Variants in PRPF19 observed in about 807,000 individuals in gnomAD.
PRPF19 encodes the protein pre-mRNA processing factor 19.
PRPF19 carries 2 observed loss-of-function variants against 64.2 expected under a neutral mutation model. The ratio of observed to expected loss-of-function variants is 0.03; its 90% CI spans 0.01 to 0.10. The LOEUF (loss-of-function observed/expected upper bound fraction) is 0.10. PRPF19 is among the 10% of genes least tolerant of loss of function. The pLI, the probability that PRPF19 is intolerant of heterozygous loss-of-function variation, is 1.00. For synonymous variants in PRPF19, 226 were observed against 251.6 expected, an observed-to-expected ratio of 0.90 and a Z score of 0.96; for missense variants, 314 against 650.0, an observed-to-expected ratio of 0.48 and a Z score of 5.62.
In PRPF19 at chr11:60,898,704, G is replaced by A; in HGVS notation, c.1055-78C>T. ...TAAGAGCAGCAAAGGTAGGTTCCTT[G>A]TTCTTCACATTCCTCAGTGAACCCA... is the stretch of plus-strand genomic sequence containing the variant. On this transcript the variant is annotated intron_variant, in intron 12 of 15. Transcript: ENST00000227524. The surrounding 1 kb of genome is among the most constrained non-coding windows in gnomAD (Gnocchi z 4.6). 5 of 1,604,314 alleles carry A rather than the reference G, an allele frequency of 3.1e-6. No homozygotes were observed. The South Asian group carries it at 5.6e-5, about 18-fold the overall frequency.
intron 1 of PRPF19, among the ~76,000 whole-genome samples, chr11:60,904,516 C>T (rs1441898180): frequency 6.6e-6 from 1 of 152,192 alleles, no homozygotes; most frequent in Non-Finnish European, 1.5e-5. Context: ...GGTTGTTTGA[C>T]CTGTTCTTCT....
rs1855992761 is a variant in PRPF19 at position 60,902,388 on chromosome 11, G to A, written c.525+15C>T. ...GGGCCCATCAGCACTCCCACCAGGT[G>A]AGAGCAGGACTTACCTTCTGAATAA... On this transcript the variant is annotated intron_variant, in intron 6 of 15. Coordinates refer to ENST00000227524, the MANE Select transcript of PRPF19 (RefSeq NM_014502.5). The surrounding 1 kb of genome is among the most constrained non-coding windows in gnomAD (Gnocchi z 5.0). The A allele has an allele frequency of 3.1e-6, 5 of 1,611,962 alleles. No homozygotes were observed. The highest frequency in any genetic ancestry group is 1.7e-5 in the Admixed American group (1 of 60,030).
chr11:60,893,732 A>C (rs1315018502), intron 15 of PRPF19, among the ~76,000 whole-genome samples: 2 of 152,090 alleles, frequency 1.3e-5, no homozygotes, highest in Non-Finnish European at 2.9e-5. Flanking sequence ...AGGCAGGTGG[A>C]TCGCTTGAGT....
Position 60,902,066 on chromosome 11 carries a change from T to A in PRPF19, c.525+337A>T, listed in dbSNP as rs186776099. ...GAAAATATATAAAAGTAGTTTACTA[T>A]CTGCAAAGAATCTCAATAACAATAA... On this transcript the variant is annotated intron_variant, in intron 6 of 15. Transcript: ENST00000227524. This position sits in a 1 kb window ranked among gnomAD's most constrained non-coding sequence, Gnocchi z 5.0. Among the ~76,000 whole-genome samples, 1 of 152,332 alleles carries A rather than the reference T, an allele frequency of 6.6e-6. No homozygotes were observed. The highest frequency in any genetic ancestry group is 2.4e-5 in the African/African-American group (1 of 41,580).
At position 60,899,317 on chromosome 11, in the gene PRPF19, C is replaced by G. The variant is rs974237043; in HGVS notation, c.829-13G>C. The G allele has an allele frequency of 3.1e-6, 5 of 1,605,184 alleles. No individual in the cohort carries two copies. Among genetic ancestry groups the G allele is most frequent in the Admixed American group, 1.7e-5 (1 of 59,918 alleles). ...AAAACACCAGGTCCTACAAGGAAAA[C>G]AAAGACAGAATATCAGAGTCAGAAA... On this transcript the variant is annotated splice_polypyrimidine_tract_variant and intron_variant, in intron 10 of 15. Coordinates refer to ENST00000227524, the MANE Select transcript of PRPF19 (RefSeq NM_014502.5).
rs747102943 is a variant in PRPF19 at position 60,898,323 on chromosome 11, G to A, written c.1141-52C>T. On this transcript the variant is annotated intron_variant, in intron 13 of 15. Coordinates refer to ENST00000227524, the MANE Select transcript of PRPF19 (RefSeq NM_014502.5). The surrounding 1 kb of genome is among the most constrained non-coding windows in gnomAD (Gnocchi z 4.6). ...CGTCACCCACAGATCATGAGAGGAA[G>A]AAAATGGGGCTCACCAAACTCCTAC... 2 of 1,589,274 alleles carry A rather than the reference G, an allele frequency of 1.3e-6. No homozygotes were observed. The highest frequency in any genetic ancestry group is 1.1e-5 in the South Asian group (1 of 88,096).
rs977340531 is a variant in PRPF19, at chr11:60,899,133, C to T, written c.984+16G>A. On this transcript the variant is annotated intron_variant, in intron 11 of 15. Transcript: ENST00000227524. ...GGGACCAGCAGGCCTCTCCAGGGCACTGGCTGGGACCGCACCTGATCATCG... is the reference window on the plus strand; with the variant it reads ...GGGACCAGCAGGCCTCTCCAGGGCATTGGCTGGGACCGCACCTGATCATCG... 1.9e-6 allele frequency: 3 copies of T among 1,606,974 alleles called. No individual in the cohort carries two copies. In the African/African-American group the frequency reaches 4.0e-5, roughly 21 times the overall value.
chr11:60,903,590 TCA>T, intron 2 of PRPF19, 55 bp from the exon 3 acceptor site: 1 of 1,599,102 alleles, frequency 6.3e-7, no homozygotes, highest in Non-Finnish European at 8.5e-7. Context: ...TCCCCCGCCA[TCA>T]CATCTTTTCC....
At position 60,902,029 on chromosome 11, in the gene PRPF19, G is replaced by GA. The variant is rs946490890; in HGVS notation, c.525+373dup. ...TAATTCCTATCCTATTGCCCTCATA[G>GA]AAAAAAAACAAGAAAATATATAAAA... On this transcript the variant is annotated intron_variant, in intron 6 of 15. Transcript: ENST00000227524. This position sits in a 1 kb window ranked among gnomAD's most constrained non-coding sequence, Gnocchi z 5.0. Among the ~76,000 whole-genome samples the GA allele has an allele frequency of 8.6e-5, 13 of 151,380 alleles. No individual in the cohort carries two copies. The highest frequency in any genetic ancestry group is 1.3e-4 in the Admixed American group (2 of 15,220).
Position 60,898,502 on chromosome 11 carries a change from C to T in PRPF19, c.1140+39G>A. On this transcript the variant is annotated intron_variant, in intron 13 of 15. Coordinates refer to ENST00000227524, the MANE Select transcript of PRPF19 (RefSeq NM_014502.5). The surrounding 1 kb of genome is among the most constrained non-coding windows in gnomAD (Gnocchi z 4.6). ...CACTGCATTGTCACAAACACTCCCT[C>T]TGGCCCTGGGCCTCAGATGGAGGCC... 1 of 1,613,732 alleles carries T rather than the reference C, an allele frequency of 6.2e-7. No individual in the cohort carries two copies. The highest frequency in any genetic ancestry group is 8.5e-7 in the Non-Finnish European group (1 of 1,179,936).
In PRPF19 at chr11:60,902,572, G is replaced by A. The variant is rs542733768; in HGVS notation, c.462+11C>T. 1.2e-6 allele frequency: 2 copies of A among 1,611,884 alleles called. No individual in the cohort carries two copies. Among genetic ancestry groups the A allele is most frequent in the Non-Finnish European group, 1.7e-6 (2 of 1,177,918 alleles). On this transcript the variant is annotated intron_variant, in intron 5 of 15. Transcript: ENST00000227524. The surrounding 1 kb of genome is among the most constrained non-coding windows in gnomAD (Gnocchi z 5.0). ...CAAATGGGCTGCTGGTAAGGGAAGG[G>A]GGACACTTACCACAACACTTGGTTG...
At position 60,902,158 on chromosome 11, in the gene PRPF19, T is replaced by C. The variant is rs1184203061; in HGVS notation, c.525+245A>G. Among the ~76,000 whole-genome samples, 2 of 152,198 alleles carry C rather than the reference T, an allele frequency of 1.3e-5. No homozygotes were observed. The highest frequency in any genetic ancestry group is 2.9e-5 in the Non-Finnish European group (2 of 68,028). ...TCCCACAGCCTGCCTATACAGTGGA[T>C]ATGATCATATTCTCAGTTTAGAAGC... On this transcript the variant is annotated intron_variant, in intron 6 of 15. Transcript: ENST00000227524. This position sits in a 1 kb window ranked among gnomAD's most constrained non-coding sequence, Gnocchi z 5.0.
At position 60,897,970 on chromosome 11, in the gene PRPF19, G is replaced by C. The variant is rs770402229; in HGVS notation, c.1312-19C>G. On this transcript the variant is annotated intron_variant, in intron 14 of 15. Coordinates refer to ENST00000227524, the MANE Select transcript of PRPF19 (RefSeq NM_014502.5). ...ACTTTACCTGCCAGAAATAGAAAGA[G>C]AGAAGGTCACACAAGGGGAACAGAA... The C allele has an allele frequency of 1.9e-6, 3 of 1,612,828 alleles. No homozygotes were observed. Among genetic ancestry groups the C allele is most frequent in the Non-Finnish European group, 2.5e-6 (3 of 1,178,950 alleles).
At position 60,898,212 on chromosome 11, in the gene PRPF19, G is replaced by A; in HGVS notation, c.1200C>T (p.Phe400=). 1 of 1,614,194 alleles carries A rather than the reference G, an allele frequency of 6.2e-7. No individual in the cohort carries two copies. The highest frequency in any genetic ancestry group is 2.2e-5 in the East Asian group (1 of 44,882). ...GHSGPITSIA[F]SENGYYLATA... ...TAGCCAGGTAGTAACCATTCTCAGA[G>A]AAGGCGATGCTAGTGATGGGGCCCG... Residue 400 remains phenylalanine (F), a synonymous_variant, in exon 14 of 16, where the codon TTC becomes TTT. Coordinates refer to ENST00000227524, the MANE Select transcript of PRPF19 (RefSeq NM_014502.5). This position sits in a 1 kb window ranked among gnomAD's most constrained non-coding sequence, Gnocchi z 4.6.
At position 60,906,243 on chromosome 11, in the gene PRPF19, CG is replaced by C. The variant is rs1856044530; in HGVS notation, c.19+120del. On this transcript the variant is annotated intron_variant, in intron 1 of 15. Transcript: ENST00000227524. ...GCTCCGGTGCTGACAGGCCGCCGCT[CG>C]GCCTCCGGAGCGCCCCATTCCCGCC... 1.9e-5 allele frequency: 26 copies of C among 1,402,004 alleles called. 2 individuals are homozygous for C. The African/African-American group carries it at 2.9e-4, about 16-fold the overall frequency. 86.8% of individuals were successfully genotyped at this position (1,402,004 alleles called of 1,614,324 possible).
chr11:60,899,438 C>G (rs1855957889), intron 10 of PRPF19, 134 bp from the exon 11 acceptor site: 1 of 933,400 alleles, frequency 1.1e-6, no homozygotes, highest in African/African-American at 1.7e-5. Flanking sequence ...TCCCTGGAAC[C>G]ACCTATCCAC....
Position 60,898,947 on chromosome 11 carries a change from G to C in PRPF19, c.985-16C>G, listed in dbSNP as rs1455834384. On this transcript the variant is annotated splice_polypyrimidine_tract_variant and intron_variant, in intron 11 of 15. Coordinates refer to ENST00000227524, the MANE Select transcript of PRPF19 (RefSeq NM_014502.5). The surrounding 1 kb of genome is among the most constrained non-coding windows in gnomAD (Gnocchi z 4.6). The stretch of plus-strand genomic sequence containing the variant: ...AAGCCCAGTACTGGGGAAAAAAAAA[G>C]AGACAATGGAGTCAGTGAGAAAGTG... 1.3e-6 allele frequency: 2 copies of C among 1,574,842 alleles called. No individual in the cohort carries two copies. The highest frequency in any genetic ancestry group is 2.7e-5 in the African/African-American group (2 of 74,356).
Position 60,900,703 on chromosome 11 carries a change from C to A in PRPF19, c.719-12G>T, listed in dbSNP as rs765361944. ...TTTATCCGCCCCACCTGGAGAAGAC[C>A]CAAAAAGACCAAACAATGAGTCAGG... On this transcript the variant is annotated splice_polypyrimidine_tract_variant and intron_variant, in intron 9 of 15. Transcript: ENST00000227524. The A allele has an allele frequency of 6.4e-6, 10 of 1,558,830 alleles. No homozygotes were observed. Among genetic ancestry groups the A allele is most frequent in the Non-Finnish European group, 8.7e-6 (10 of 1,149,902 alleles).
At position 60,893,341 on chromosome 11, in the gene PRPF19, CA is replaced by C. The variant is rs559783026; in HGVS notation, c.1418-2079del. ...CTCATCTCTACTACAAATACAAGTA[CA>C]AAAAAAAAAAAATTAGCCAGATGTG... On this transcript the variant is annotated intron_variant, in intron 15 of 15. Coordinates refer to ENST00000227524, the MANE Select transcript of PRPF19 (RefSeq NM_014502.5). Among the ~76,000 whole-genome samples the C allele has an allele frequency of 2.8e-3, 387 of 136,034 alleles. 1 individual carries two copies. The highest frequency in any genetic ancestry group is 4.5e-3 in the African/African-American group (168 of 36,998). 89.2% of individuals were successfully genotyped at this position (136,034 alleles called of 152,430 possible). A position where few individuals can be genotyped will look rare whatever the true frequency, so the allele number is the denominator to read the frequency against.
Sources: allele counts gnomAD v4.1 joint callset (sites outside exome capture counted in the v4.1 genomes callset), GRCh38; gene constraint gnomAD v4.1.1; non-coding constraint Gnocchi (gnomAD v3.1); transcripts MANE v1.5; gene names NCBI Gene and HGNC (gene_info 2026-07-23, HGNC 2026-07-21).